CC2D2B: variants seen among roughly 807,000 people sequenced by gnomAD.
CC2D2B encodes coiled-coil and C2 domain containing 2B.
Under a neutral mutation model 161.2 loss-of-function variants are expected in CC2D2B, and 128 were observed. The ratio of observed to expected loss-of-function variants is 0.79; its 90% confidence interval spans 0.69 to 0.92. The LOEUF (loss-of-function observed/expected upper bound fraction) is 0.92, where lower values mean the gene tolerates loss of function less well. CC2D2B is among the 40% of genes least tolerant of loss of function. The pLI, the probability that CC2D2B is intolerant of heterozygous loss-of-function variation, is 0.00. For synonymous variants in CC2D2B, 391 were observed against 449.8 expected, an observed-to-expected ratio of 0.87 and a Z score of 1.65; for missense variants, 1,173 against 1,375.1, an observed-to-expected ratio of 0.85 and a Z score of 2.32.
intron 11 of CC2D2B, among the ~76,000 whole-genome samples, chr10:95,955,923 T>C (rs1469484935): frequency 1.3e-5 from 2 of 152,190 alleles, no homozygotes; most frequent in African/African-American, 2.4e-5. Context: ...CATTGGCTTA[T>C]AGACTGGAAA....
intron 3 of CC2D2B, among the ~76,000 whole-genome samples, chr10:95,923,391 C>T (rs1191485234): frequency 2.0e-5 from 3 of 152,194 alleles, no homozygotes; most frequent in Non-Finnish European, 4.4e-5. Context: ...ACCCTCAAAA[C>T]TTTCCTTTTC....
intron 32 of CC2D2B, among the ~76,000 whole-genome samples, chr10:96,024,640 T>C (rs1193037259): frequency 1.3e-5 from 2 of 152,170 alleles, no homozygotes; most frequent in Non-Finnish European, 2.9e-5. Flanking sequence ...CATGAAAATA[T>C]ATCTTTTGTA....
At chr10:95,983,866 C>T in intron 19 of CC2D2B, 57 bp downstream of exon 19, 1 of 733,700 alleles carries the variant, frequency 1.4e-6, no homozygotes, top group Non-Finnish European at 1.9e-6. Context: ...CGTTTTGCTG[C>T]TTTAACCCTA....
At chr10:95,986,234 T>A (rs377386874) in intron 19 of CC2D2B, among the ~76,000 whole-genome samples, 1 of 150,192 alleles carries the variant, frequency 6.7e-6, no homozygotes, top group African/African-American at 2.5e-5. Flanking sequence ...ACATGAGATG[T>A]CTCCCCCAGA....
intron 24 of CC2D2B, among the ~76,000 whole-genome samples, chr10:95,997,312 G>A (rs1465035284): frequency 6.6e-6 from 1 of 151,622 alleles, no homozygotes; most frequent in Non-Finnish European, 1.5e-5. Context: ...TCTTGTACTT[G>A]TCCTCTGGAG....
chr10:96,003,094 A>G (rs1043165062), intron 24 of CC2D2B, among the ~76,000 whole-genome samples: 2 of 151,250 alleles, frequency 1.3e-5, no homozygotes, highest in African/African-American at 4.8e-5. Context: ...AGCTATGTCC[A>G]GATCAGGCTC....
chr10:95,927,475 A>T (rs1474464134), intron 6 of CC2D2B, 143 bp downstream of exon 6: 2 of 614,340 alleles, frequency 3.3e-6, no homozygotes, highest in African/African-American at 1.9e-5. Flanking sequence ...GAAGCTGTTC[A>T]TAATAATAAA....
intron 14 of CC2D2B, among the ~76,000 whole-genome samples, chr10:95,967,552 G>A (rs1394740197): frequency 1.3e-5 from 2 of 152,046 alleles, no homozygotes; most frequent in African/African-American, 4.8e-5. Context: ...AGAATACAGA[G>A]ATTAGAGAAA....
chr10:95,951,126 G>C (rs149557387), intron 10 of CC2D2B, among the ~76,000 whole-genome samples: 61 of 151,054 alleles, frequency 4.0e-4, no homozygotes, highest in Non-Finnish European at 5.8e-4. Flanking sequence ...GCTAATATGT[G>C]CTTTTTAAAA....
intron 9 of CC2D2B, among the ~76,000 whole-genome samples, chr10:95,939,144 C>A (rs2075932483): frequency 1.3e-5 from 2 of 151,906 alleles, no homozygotes; most frequent in Admixed American, 6.6e-5. Context: ...GTGAAAAAAG[C>A]AGAATGCAAA....
At position 95,991,442 on chromosome 10, in the gene CC2D2B, G is replaced by T. The variant is rs2077952198; in HGVS notation, c.2452G>T (p.Glu818Ter). 1 of 1,095,222 alleles carries T rather than the reference G, an allele frequency of 9.1e-7. No homozygotes were observed. The highest frequency in any genetic ancestry group is 4.7e-5 in the South Asian group (1 of 21,256). 67.8% of individuals were successfully genotyped at this position (1,095,222 alleles called of 1,614,324 possible). ...CNLSDIVNDY[E>*]EIVSTSQLTD... Reference sequence around the variant, plus strand: ...CTTGTCAGATATTGTGAATGATTATGAAGAAATTGTATCTACAAGGTAATT... The same window carrying T: ...CTTGTCAGATATTGTGAATGATTATTAAGAAATTGTATCTACAAGGTAATT... Residue 818 changes from glutamate (E) to a stop codon, truncating the protein, a stop_gained, in exon 21 of 35, where the codon GAA becomes TAA. Coordinates refer to ENST00000646931, the MANE Select transcript of CC2D2B (RefSeq NM_001349008.3). LOFTEE classifies it high-confidence loss of function.
At chr10:95,950,324 A>G (rs1428510482) in intron 10 of CC2D2B, 3 of 346,254 alleles carry the variant, frequency 8.7e-6, no homozygotes, top group African/African-American at 2.1e-5. Context: ...TTACTAATCA[A>G]TGGTATTCTT....
intron 19 of CC2D2B, chr10:95,984,573 G>A (rs2077645386): frequency 6.6e-6 from 1 of 152,086 alleles, no homozygotes; most frequent in Non-Finnish European, 1.5e-5. Flanking sequence ...TAGAGATATG[G>A]ATTTTAAAAT....
chr10:96,029,266 A>ATATATATATATATATG (rs2079937033), intron 34 of CC2D2B, among the ~76,000 whole-genome samples: 1 of 68,090 alleles, frequency 1.5e-5, no homozygotes, highest in Non-Finnish European at 2.5e-5. Context: ...ATATATATAT[A>ATATATATATATATATG]TATATATATA....
chr10:95,996,073 C>T lies in CC2D2B; in HGVS notation c.2740-70C>T, dbSNP rs1015624620. The T allele has an allele frequency of 3.4e-5, 20 of 586,440 alleles. No individual in the cohort carries two copies. The African/African-American group carries it at 3.5e-4, about 10-fold the overall frequency. The allele number at this position is 586,440 out of a possible 1,614,324, so 36.3% of individuals were successfully genotyped here. On this transcript the variant is annotated intron_variant, in intron 23 of 34. Transcript: ENST00000646931. ...AAGCCATACATTTGCCAAGTAATTTCCTAGGCCTCTACCTTTATCGACTAT... is the reference window on the plus strand; with the variant it reads ...AAGCCATACATTTGCCAAGTAATTTTCTAGGCCTCTACCTTTATCGACTAT...
At chr10:96,025,363 CAAAAAAA>C (rs35860002) in intron 33 of CC2D2B, among the ~76,000 whole-genome samples, 123 of 52,498 alleles carry the variant, frequency 2.3e-3, no homozygotes, top group East Asian at 0.012. Context: ...TGAGGCCTTG[CAAAAAAA>C]AAAAAAAAAA....
intron 5 of CC2D2B, among the ~76,000 whole-genome samples, chr10:95,926,250 G>A (rs1218012211): frequency 6.6e-6 from 1 of 152,040 alleles, no homozygotes; most frequent in East Asian, 1.9e-4. Flanking sequence ...TCAGGAAAAG[G>A]GGTTAAAAGG....
intron 32 of CC2D2B, among the ~76,000 whole-genome samples, chr10:96,023,384 G>T (rs1443255118): frequency 6.6e-6 from 1 of 152,176 alleles, no homozygotes; most frequent in African/African-American, 2.4e-5. Flanking sequence ...GAGAATGTGG[G>T]TACTCAGAAG....
At chr10:95,997,303 C>T (rs938210211) in intron 24 of CC2D2B, among the ~76,000 whole-genome samples, 1 of 152,032 alleles carries the variant, frequency 6.6e-6, no homozygotes, top group African/African-American at 2.4e-5. Flanking sequence ...TTTGAACATT[C>T]TTGTACTTGT....
Sources: allele counts gnomAD v4.1 joint callset (sites outside exome capture counted in the v4.1 genomes callset), GRCh38; gene constraint gnomAD v4.1.1; transcripts MANE v1.5; gene names NCBI Gene and HGNC (gene_info 2026-07-23, HGNC 2026-07-21).